Variants in HMCN1 observed in about 807,000 individuals in gnomAD.
HMCN1 encodes hemicentin 1.
HMCN1 carries 321 observed loss-of-function variants against 625.9 expected under a neutral mutation model. The ratio of observed to expected loss-of-function variants is 0.51; its 90% CI spans 0.47 to 0.56. The LOEUF (loss-of-function observed/expected upper bound fraction) is 0.56. Ranked by LOEUF, HMCN1 falls within the 20% of genes least tolerant of loss-of-function variation. The probability of loss-of-function intolerance (pLI) is 0.00; values close to 1 mark genes in which losing one functional copy is unlikely to be tolerated. For missense variants in HMCN1, 6,588 were observed against 6,887.3 expected, an observed-to-expected ratio of 0.96 and a Z score of 1.54; for synonymous variants, 2,425 against 2,417.6, an observed-to-expected ratio of 1.00 and a Z score of -0.09.
chr1:185,876,876 A>G (rs180675443), intron 4 of HMCN1, among the ~76,000 whole-genome samples: 31 of 151,942 alleles, frequency 2.0e-4, no homozygotes, highest in African/African-American at 7.5e-4. Flanking sequence ...TGTTTACTCC[A>G]CTAGTTATTT....
intron 11 of HMCN1, among the ~76,000 whole-genome samples, chr1:185,958,513 G>A (rs1649781209): frequency 6.6e-6 from 1 of 152,208 alleles, no homozygotes; most frequent in Non-Finnish European, 1.5e-5. Context: ...CATATGCACA[G>A]ATGTATTTTA....
Position 186,106,812 on chromosome 1 carries a change from C to T in HMCN1, c.10771-72C>T, listed in dbSNP as rs537323684. The T allele has an allele frequency of 1.1e-5, 12 of 1,070,590 alleles. No individual in the cohort carries two copies. The African/African-American group carries it at 1.7e-4, about 15-fold the overall frequency. 66.3% of individuals were successfully genotyped at this position (1,070,590 alleles called of 1,614,324 possible). Reference sequence around the variant, plus strand: ...TGGTGTGGGGTTATTTACATTCATTCTAGTGGATATTTATTTTAATAACAA... The same window carrying T: ...TGGTGTGGGGTTATTTACATTCATTTTAGTGGATATTTATTTTAATAACAA... On this transcript the variant is annotated intron_variant, in intron 69 of 106. Coordinates refer to ENST00000271588, the MANE Select transcript of HMCN1 (RefSeq NM_031935.3).
At chr1:185,853,052 C>A (rs1341587689) in intron 2 of HMCN1, among the ~76,000 whole-genome samples, 2 of 152,032 alleles carry the variant, frequency 1.3e-5, no homozygotes, top group Non-Finnish European at 2.9e-5. Flanking sequence ...TGCTTCGCTA[C>A]TTTCCTTCTA....
chr1:186,129,472 ATGT>A (rs149491320), intron 83 of HMCN1, among the ~76,000 whole-genome samples: 12,468 of 151,932 alleles, frequency 0.082, 679 homozygotes, highest in Non-Finnish European at 0.12. Flanking sequence ...AAATTTGACT[ATGT>A]TGTTGTTATT....
intron 56 of HMCN1, among the ~76,000 whole-genome samples, chr1:186,082,641 A>G (rs1659234818): frequency 6.6e-6 from 1 of 152,134 alleles, no homozygotes; most frequent in Non-Finnish European, 1.5e-5. Context: ...TTTCTAGTCA[A>G]CATACCACAA....
chr1:185,988,301 G>A (rs1388284283), intron 20 of HMCN1, among the ~76,000 whole-genome samples: 1 of 152,158 alleles, frequency 6.6e-6, no homozygotes, highest in Non-Finnish European at 1.5e-5. Context: ...CCCATTTCCT[G>A]AGGAAGTCCT....
chr1:185,916,367 ACTTAACCTCT>A (rs1376232406), intron 6 of HMCN1, among the ~76,000 whole-genome samples: 1 of 152,142 alleles, frequency 6.6e-6, no homozygotes, highest in Non-Finnish European at 1.5e-5. Context: ...TGGAGAAATT[ACTTAACCTCT>A]CTAAGTCTGA....
At chr1:185,854,095 G>T (rs1662321794) in intron 2 of HMCN1, among the ~76,000 whole-genome samples, 1 of 152,086 alleles carries the variant, frequency 6.6e-6, no homozygotes. Flanking sequence ...CAGTTTCCTT[G>T]GGAGAATTGT....
chr1:186,026,279 A>G (rs546318057), intron 36 of HMCN1, among the ~76,000 whole-genome samples: 3 of 152,350 alleles, frequency 2.0e-5, no homozygotes, highest in East Asian at 1.9e-4. Context: ...GGAAAACTAT[A>G]TAAGAATAGG....
intron 4 of HMCN1, among the ~76,000 whole-genome samples, chr1:185,886,242 G>T (rs1034534481): frequency 6.6e-5 from 10 of 151,782 alleles, no homozygotes; most frequent in African/African-American, 2.4e-4. Context: ...GAGGGGAGTG[G>T]GTGGAAACAG....
chr1:186,031,222 C>T (rs889944237), intron 36 of HMCN1, among the ~76,000 whole-genome samples: 1 of 151,898 alleles, frequency 6.6e-6, no homozygotes, highest in African/African-American at 2.4e-5. Context: ...TCATTGCTTT[C>T]CATTTTCATT....
At chr1:185,831,902 C>T (rs969141419) in intron 1 of HMCN1, among the ~76,000 whole-genome samples, 9 of 152,168 alleles carry the variant, frequency 5.9e-5, no homozygotes, top group African/African-American at 9.7e-5. Flanking sequence ...CTATAGAAAG[C>T]CTCAACATCT....
chr1:186,103,815 A>C (rs920941927), intron 69 of HMCN1, 147 bp downstream of exon 69: 6 of 662,262 alleles, frequency 9.1e-6, no homozygotes, highest in Non-Finnish European at 1.5e-5. Flanking sequence ...TATGATATGC[A>C]TGATTGGGTA....
chr1:185,778,660 A>G (rs1656805261), intron 1 of HMCN1, among the ~76,000 whole-genome samples: 3 of 151,972 alleles, frequency 2.0e-5, no homozygotes, highest in Non-Finnish European at 4.4e-5. Context: ...CCATGTCCCT[A>G]CAAAGGACAT....
intron 2 of HMCN1, among the ~76,000 whole-genome samples, chr1:185,858,258 T>C (rs1662597908): frequency 6.6e-6 from 1 of 152,162 alleles, no homozygotes; most frequent in African/African-American, 2.4e-5. Flanking sequence ...AAGTGTCTTA[T>C]TACCGAGAAA....
At chr1:185,805,406 A>G (rs1191075608) in intron 1 of HMCN1, among the ~76,000 whole-genome samples, 1 of 152,194 alleles carries the variant, frequency 6.6e-6, no homozygotes, top group Non-Finnish European at 1.5e-5. Context: ...CTCTGAAAAT[A>G]GTAAAAATTT....
intron 36 of HMCN1, among the ~76,000 whole-genome samples, chr1:186,024,651 A>G (rs947031174): frequency 9.2e-5 from 14 of 152,312 alleles, no homozygotes; most frequent in African/African-American, 3.1e-4. Context: ...TGAGTATCTG[A>G]CTTCCATAGT....
chr1:186,190,227 A>T lies in HMCN1; in HGVS notation c.*349A>T. 3.7e-6 allele frequency: 1 copy of T among 271,738 alleles called. No individual in the cohort carries two copies. The highest frequency in any genetic ancestry group is 2.2e-5 in the African/African-American group (1 of 46,354). The allele number at this position is 271,738 out of a possible 1,614,324, so 16.8% of individuals were successfully genotyped here. ...AAGCCAAACCAAACAACGAAAAACA[A>T]GAACAACTAATTCAGAATCAAATAG... On this transcript the variant is annotated 3_prime_UTR_variant, in exon 107 of 107. Transcript: ENST00000271588.
At position 185,925,089 on chromosome 1, in the gene HMCN1, A is replaced by C. The variant is rs1487908761; in HGVS notation, c.1328A>C (p.Tyr443Ser). ...VTMPEKTPGY[Y>S]LQPGQIPCSV... is the part of the protein sequence containing the mutation. ...ATGCCTGAGAAAACCCCAGGATACT[A>C]TCTGCAGCCGGGCCAAATTCCCTGC... The change falls in exon 9 of 107, where the codon TAT (tyrosine) becomes TCT (serine). Residue 443 changes from tyrosine to serine, a missense_variant. Coordinates refer to ENST00000271588, the MANE Select transcript of HMCN1 (RefSeq NM_031935.3). 26 of 1,613,886 alleles carry C rather than the reference A, an allele frequency of 1.6e-5. No individual in the cohort carries two copies. The highest frequency in any genetic ancestry group is 1.9e-5 in the Non-Finnish European group (22 of 1,179,956).
Sources: gnomAD v4.1 joint callset for allele counts (sites outside exome capture counted in the v4.1 genomes callset) on GRCh38, gnomAD v4.1.1 for gene constraint, MANE v1.5 for transcripts, NCBI Gene and HGNC (gene_info 2026-07-23, HGNC 2026-07-21) for gene names.